THSD4: variants seen among roughly 807,000 people sequenced by gnomAD.
The protein encoded by THSD4 is thrombospondin type-1 domain-containing protein 4.
A neutral mutation model predicts 119.0 loss-of-function variants in THSD4; 69 were observed. The ratio of observed to expected loss-of-function variants is 0.58; its 90% confidence interval spans 0.48 to 0.71. The LOEUF (loss-of-function observed/expected upper bound fraction) is 0.71. Among genes scored for constraint, THSD4 ranks in the 30% least tolerant of loss-of-function variants. The probability of loss-of-function intolerance (pLI) is 0.00; values close to 1 mark genes in which losing one functional copy is unlikely to be tolerated. For missense variants in THSD4, 1,393 were observed against 1,391.1 expected, an observed-to-expected ratio of 1.00 and a Z score of -0.02; for synonymous variants, 524 against 540.4, an observed-to-expected ratio of 0.97 and a Z score of 0.42.
At chr15:71,739,799 T>C (rs1367579448) in intron 11 of THSD4, among the ~76,000 whole-genome samples, 1 of 11,604 alleles carries the variant, frequency 8.6e-5, no homozygotes, top group African/African-American at 1.2e-4. Flanking sequence ...TGGTTTGGGG[T>C]GGTTTTTTTT....
intron 6 of THSD4, among the ~76,000 whole-genome samples, chr15:71,393,150 C>A (rs1170644433): frequency 6.6e-6 from 1 of 151,486 alleles, no homozygotes; most frequent in African/African-American, 2.4e-5. Context: ...GGATTATGCC[C>A]CCTGCGTTCA....
At chr15:71,560,868 G>T (rs2049101301) in intron 7 of THSD4, among the ~76,000 whole-genome samples, 1 of 152,098 alleles carries the variant, frequency 6.6e-6, no homozygotes. Flanking sequence ...TTGTATAGTG[G>T]GAGAAAGTCC....
rs8029463 is a variant in THSD4 at position 71,404,568 on chromosome 15, C to T, written c.1016-7119C>T. Among the ~76,000 whole-genome samples the T allele has an allele frequency of 3.6e-3, 552 of 152,270 alleles. 1 individual carries two copies. The highest frequency in any genetic ancestry group is 0.013 in the African/African-American group (525 of 41,552). On this transcript the variant is annotated intron_variant, in intron 6 of 17. Transcript: ENST00000261862. The stretch of plus-strand genomic sequence containing the variant: ...CTATATCTGAATGTTAGTGTCACCC[C>T]AAAATTCAAATGCTGGAACCTAATA...
chr15:71,406,810 G>C (rs997748394), intron 6 of THSD4, among the ~76,000 whole-genome samples: 3 of 151,910 alleles, frequency 2.0e-5, no homozygotes, highest in Admixed American at 6.6e-5. Context: ...CTCCCAAGTA[G>C]CTGGGATTAC....
At chr15:71,313,462 G>A (rs1206063061) in intron 6 of THSD4, among the ~76,000 whole-genome samples, 4 of 152,002 alleles carry the variant, frequency 2.6e-5, no homozygotes, top group African/African-American at 9.7e-5. Flanking sequence ...TTTATTTTGG[G>A]GGAATAACAC....
chr15:71,142,940 A>G (rs1164248621), intron 2 of THSD4, among the ~76,000 whole-genome samples: 1 of 152,256 alleles, frequency 6.6e-6, no homozygotes, highest in Non-Finnish European at 1.5e-5. Context: ...TTGGCCAACC[A>G]GGGCTAGAGC....
chr15:71,113,595 A>G (rs1247289396), upstream of THSD4: 1 of 152,102 alleles, frequency 6.6e-6, no homozygotes, highest in Non-Finnish European at 1.5e-5. Flanking sequence ...TGAGGCAGGT[A>G]CTCCTGTATG....
intron 6 of THSD4, among the ~76,000 whole-genome samples, chr15:71,285,307 A>G (rs747384807): frequency 2.2e-4 from 34 of 152,266 alleles, no homozygotes; most frequent in Non-Finnish European, 2.9e-4. Context: ...TCCTGTGACT[A>G]TTCCTTCACT....
chr15:71,495,050 G>A (rs2047990167), intron 7 of THSD4, among the ~76,000 whole-genome samples: 1 of 152,164 alleles, frequency 6.6e-6, no homozygotes, highest in Non-Finnish European at 1.5e-5. Flanking sequence ...AGAGGAGGGA[G>A]GCTGAGGAAA....
In THSD4 at chr15:71,115,921, C is replaced by G. The variant is rs1226723595; in HGVS notation, c.-80+223C>G. 3.3e-5 allele frequency among the ~76,000 whole-genome samples: 5 copies of G among 152,158 alleles called. No homozygotes were observed. The highest frequency in any genetic ancestry group is 5.9e-5 in the Non-Finnish European group (4 of 68,016). On this transcript the variant is annotated intron_variant, in intron 1 of 17. Coordinates refer to ENST00000261862, the MANE Select transcript of THSD4 (RefSeq NM_024817.3). The surrounding 1 kb of genome is among the most constrained non-coding windows in gnomAD (Gnocchi z 4.4). ...CGGCTGCGCCTCCTTCTCTGGTTCT[C>G]TTCCTTGCTGGGAGTCTTGCTCTGT...
chr15:71,708,676 G>A lies in THSD4; in HGVS notation c.1358-19873G>A, dbSNP rs538216684. Among the ~76,000 whole-genome samples, 6 of 152,248 alleles carry A rather than the reference G, an allele frequency of 3.9e-5. No individual in the cohort carries two copies. The South Asian group carries it at 8.3e-4, about 21-fold the overall frequency. On this transcript the variant is annotated intron_variant, in intron 8 of 17. Coordinates refer to ENST00000261862, the MANE Select transcript of THSD4 (RefSeq NM_024817.3). ...GCTGGGTTAGGAATTTTTGCCAAAC[G>A]GATTTTCATTCTGACCTGGAGTGTC...
At chr15:71,623,942 A>T (rs2050463767) in intron 7 of THSD4, among the ~76,000 whole-genome samples, 1 of 148,770 alleles carries the variant, frequency 6.7e-6, no homozygotes, top group African/African-American at 2.5e-5. Context: ...AAAAAAAAAA[A>T]ATCTAATCAG....
intron 8 of THSD4, among the ~76,000 whole-genome samples, chr15:71,722,738 A>G (rs1297002419): frequency 1.3e-5 from 2 of 152,252 alleles, no homozygotes; most frequent in Non-Finnish European, 2.9e-5. Context: ...AAGAGATATC[A>G]AATGAGAAAT....
intron 6 of THSD4, among the ~76,000 whole-genome samples, chr15:71,259,417 A>G (rs945633221): frequency 2.6e-5 from 4 of 152,196 alleles, no homozygotes; most frequent in African/African-American, 9.7e-5. Context: ...TAGGAAACTA[A>G]TACAAAGAAG....
intron 3 of THSD4, among the ~76,000 whole-genome samples, chr15:71,164,165 G>A (rs1403407187): frequency 2.0e-5 from 3 of 150,606 alleles, no homozygotes; most frequent in Non-Finnish European, 4.4e-5. Context: ...GATATGCAGG[G>A]TGGGTAGACA....
intron 7 of THSD4, among the ~76,000 whole-genome samples, chr15:71,542,362 A>G (rs1404941372): frequency 2.0e-5 from 3 of 152,170 alleles, no homozygotes; most frequent in South Asian, 2.1e-4. Context: ...TTACTGATTC[A>G]TTTCTAATGA....
At chr15:71,562,295 G>C (rs1010815399) in intron 7 of THSD4, among the ~76,000 whole-genome samples, 1 of 152,172 alleles carries the variant, frequency 6.6e-6, no homozygotes, top group African/African-American at 2.4e-5. Context: ...TACCTCAGCT[G>C]TATAGTTTGT....
At chr15:71,497,522 A>C (rs909516924) in intron 7 of THSD4, among the ~76,000 whole-genome samples, 2 of 151,794 alleles carry the variant, frequency 1.3e-5, no homozygotes, top group African/African-American at 4.8e-5. Context: ...CAAAAACAAA[A>C]AAAAAGGCAT....
At chr15:71,550,298 T>C (rs1004938758) in intron 7 of THSD4, among the ~76,000 whole-genome samples, 1 of 152,184 alleles carries the variant, frequency 6.6e-6, no homozygotes, top group African/African-American at 2.4e-5. Flanking sequence ...TTTCTTGAAC[T>C]TGGACTTACC....
Sources: gnomAD v4.1 joint callset for allele counts (sites outside exome capture counted in the v4.1 genomes callset) on GRCh38, gnomAD v4.1.1 for gene constraint, Gnocchi (gnomAD v3.1) non-coding constraint, MANE v1.5 for transcripts, NCBI Gene and HGNC (gene_info 2026-07-23, HGNC 2026-07-21) for gene names.